Variants in C10orf90 observed in about 807,000 individuals in gnomAD.
C10orf90 encodes (E2-independent) E3 ubiquitin-conjugating enzyme FATS.
Under a neutral mutation model 62.5 loss-of-function variants are expected in C10orf90, and 56 were observed. That is an observed-to-expected ratio of 0.90 (90% confidence interval 0.72 to 1.12). The LOEUF is 1.12. Ranked by LOEUF, C10orf90 falls within the 50% of genes most tolerant of loss-of-function variation. C10orf90 has a pLI of 0.00. For missense variants in C10orf90, 970 were observed against 880.4 expected (o/e 1.10, Z -1.29); for synonymous variants, 386 against 340.4 (o/e 1.13, Z -1.47).
chr10:126,570,267 G>A (rs1050572236), intron 2 of C10orf90, among the ~76,000 whole-genome samples: 2 of 152,196 alleles, frequency 1.3e-5, no homozygotes, highest in African/African-American at 4.8e-5. Flanking sequence ...ATGTCAATCA[G>A]TAAAGAGTTA....
rs1844315973 is a variant in C10orf90, at chr10:126,565,110, A to ATAATATT, written c.314-51172_314-51171insAATATTA. 4.5e-4 allele frequency among the ~76,000 whole-genome samples: 14 copies of ATAATATT among 31,442 alleles called. 1 individual carries two copies. Among genetic ancestry groups the ATAATATT allele is most frequent in the African/African-American group, 1.4e-3 (13 of 9,412 alleles). 20.6% of individuals were successfully genotyped at this position (31,442 alleles called of 152,430 possible). On this transcript the variant is annotated intron_variant, in intron 2 of 9. Transcript: ENST00000488181. ...ATATATATTATATAATATATAAAAT[A>ATAATATT]TATATTATATAATATATAATATAAA... is the stretch of plus-strand genomic sequence containing the variant.
At chr10:126,540,116 G>A (rs1005816238) in intron 2 of C10orf90, among the ~76,000 whole-genome samples, 3 of 152,044 alleles carry the variant, frequency 2.0e-5, no homozygotes, top group African/African-American at 7.2e-5. Context: ...ATTAACAATG[G>A]CAACAAAATT....
At chr10:126,466,008 T>C (rs1860263711) in intron 4 of C10orf90, among the ~76,000 whole-genome samples, 1 of 149,784 alleles carries the variant, frequency 6.7e-6, no homozygotes, top group Non-Finnish European at 1.5e-5. Context: ...AGACAGGCTT[T>C]CTTTTCACCA....
intron 2 of C10orf90, among the ~76,000 whole-genome samples, chr10:126,560,867 C>T (rs537290824): frequency 3.9e-5 from 6 of 152,276 alleles, no homozygotes; most frequent in Admixed American, 1.3e-4. Flanking sequence ...ATAATTTTTG[C>T]ATGGCATAAA....
At chr10:126,469,969 C>T (rs773570827) in intron 4 of C10orf90, 17 of 456,582 alleles carry the variant, frequency 3.7e-5, no homozygotes, top group South Asian at 7.7e-5. Context: ...TTGCATGCTG[C>T]GGAGGCAGGG....
chr10:126,436,272 C>T (rs763782020), intron 7 of C10orf90, among the ~76,000 whole-genome samples: 1 of 152,198 alleles, frequency 6.6e-6, no homozygotes, highest in Non-Finnish European at 1.5e-5. Context: ...TCAGCAGTGG[C>T]TGACAAAGTG....
intron 7 of C10orf90, 96 bp from the exon 8 acceptor site, chr10:126,429,946 C>A: frequency 9.1e-7 from 1 of 1,093,100 alleles, no homozygotes; most frequent in Non-Finnish European, 1.4e-6. Flanking sequence ...GTTAATTGAT[C>A]CTTATTCTAA....
intron 8 of C10orf90, among the ~76,000 whole-genome samples, chr10:126,427,902 A>G (rs529825204): frequency 3.2e-4 from 49 of 152,262 alleles, no homozygotes; most frequent in Non-Finnish European, 6.0e-4. Flanking sequence ...CATATATCCT[A>G]TTAGTTCTGT....
Position 126,611,518 on chromosome 10 carries a change from C to T in C10orf90, c.313+35047G>A, listed in dbSNP as rs145408649. 2.6e-3 allele frequency among the ~76,000 whole-genome samples: 397 copies of T among 152,186 alleles called. 1 individual carries two copies. Among genetic ancestry groups the T allele is most frequent in the African/African-American group, 8.9e-3 (370 of 41,490 alleles). ...TTTTGTTTCTCTTGGATGGAGTTGC[C>T]AGGTCATATGGTAATTCTACATTTA... On this transcript the variant is annotated intron_variant, in intron 2 of 9. Coordinates refer to ENST00000488181, the MANE Select transcript of C10orf90 (RefSeq NM_001350921.2).
At chr10:126,629,482 C>T (rs1448119588) in intron 2 of C10orf90, among the ~76,000 whole-genome samples, 2 of 152,190 alleles carry the variant, frequency 1.3e-5, no homozygotes, top group Non-Finnish European at 2.9e-5. Flanking sequence ...AAGGTCTGTG[C>T]AGAGACAAAT....
intron 2 of C10orf90, among the ~76,000 whole-genome samples, chr10:126,562,214 C>T (rs1365196645): frequency 2.0e-5 from 3 of 152,160 alleles, no homozygotes; most frequent in Admixed American, 1.3e-4. Flanking sequence ...CTCACTGCTG[C>T]GTGCACGTGC....
At chr10:126,667,321 G>A (rs777055758) in intron 1 of C10orf90, among the ~76,000 whole-genome samples, 1 of 151,928 alleles carries the variant, frequency 6.6e-6, no homozygotes, top group Middle Eastern at 3.4e-3. Flanking sequence ...GCCTCCCAAA[G>A]TGCTGGGATT....
intron 2 of C10orf90, among the ~76,000 whole-genome samples, chr10:126,628,283 A>C (rs1219606421): frequency 6.6e-6 from 1 of 152,232 alleles, no homozygotes; most frequent in Non-Finnish European, 1.5e-5. Flanking sequence ...TTAAAATGCC[A>C]AGGCCTATGT....
At chr10:126,582,532 G>A (rs555375935) in intron 2 of C10orf90, among the ~76,000 whole-genome samples, 5 of 152,308 alleles carry the variant, frequency 3.3e-5, no homozygotes, top group Non-Finnish European at 5.9e-5. Flanking sequence ...CTTGGGGAAC[G>A]GCGAGAAGGA....
intron 2 of C10orf90, among the ~76,000 whole-genome samples, chr10:126,560,263 C>A (rs552441159): frequency 1.3e-5 from 2 of 152,128 alleles, no homozygotes; most frequent in African/African-American, 4.8e-5. Context: ...ACCAGTGATC[C>A]GAGTCTTCAT....
At chr10:126,445,365 A>G (rs1433454710) in intron 7 of C10orf90, among the ~76,000 whole-genome samples, 1 of 152,168 alleles carries the variant, frequency 6.6e-6, no homozygotes, top group Non-Finnish European at 1.5e-5. Context: ...GACATGATAG[A>G]CAATTCTCAA....
rs575594529 is a variant in C10orf90, at chr10:126,514,526, C to T, written c.314-587G>A. Among the ~76,000 whole-genome samples the T allele has an allele frequency of 1.3e-4, 20 of 152,280 alleles. No homozygotes were observed. The South Asian group carries it at 1.5e-3, about 11-fold the overall frequency. ...AAGAATATTGTCAGATCCAACTGGA[C>T]GGAGCAGTAGACCAAGAACTGGAGA... On this transcript the variant is annotated intron_variant, in intron 2 of 9. Coordinates refer to ENST00000488181, the MANE Select transcript of C10orf90 (RefSeq NM_001350921.2).
At chr10:126,568,668 C>T (rs1156418795) in intron 2 of C10orf90, among the ~76,000 whole-genome samples, 2 of 152,128 alleles carry the variant, frequency 1.3e-5, no homozygotes, top group Admixed American at 6.5e-5. Context: ...AGGGCTTGTA[C>T]CCAGGGGTTC....
In C10orf90 at chr10:126,426,006, G is replaced by C; in HGVS notation, c.2337C>G (p.Ala779=). ...AGGCCATTACCTTTTTGAAGACTTC[G>C]GCACGGAGTCTGTTACTTTGTAAGA... ...RVILQSNRLR[A]EVFKKQLLDQ... The change falls in exon 9 of 10, where the codon GCC becomes GCG. Residue 779 remains alanine, a synonymous_variant. Transcript: ENST00000488181. 1.2e-6 allele frequency: 2 copies of C among 1,614,098 alleles called. No homozygotes were observed. The highest frequency in any genetic ancestry group is 1.7e-6 in the Non-Finnish European group (2 of 1,179,996).
Sources: allele counts gnomAD v4.1 joint callset (sites outside exome capture counted in the v4.1 genomes callset), GRCh38; gene constraint gnomAD v4.1.1; transcripts MANE v1.5; gene names NCBI Gene and HGNC (gene_info 2026-07-23, HGNC 2026-07-21).